Variants in PEF1 observed in about 807,000 individuals in gnomAD.
The protein encoded by PEF1 is peflin.
PEF1 carries 17 observed loss-of-function variants against 32.0 expected under a neutral mutation model. That is an observed-to-expected ratio of 0.53 (90% CI 0.36 to 0.80). The LOEUF is 0.80. Ranked by LOEUF, PEF1 falls within the 30% of genes least tolerant of loss-of-function variation. The probability of loss-of-function intolerance (pLI) is 0.00; values close to 1 mark genes in which losing one functional copy is unlikely to be tolerated. For synonymous variants in PEF1, 130 were observed against 139.8 expected, an observed-to-expected ratio of 0.93 and a Z score of 0.50; for missense variants, 362 against 369.1, an observed-to-expected ratio of 0.98 and a Z score of 0.16.
chr1:31,630,746 T>G lies in PEF1; in HGVS notation c.722A>C (p.Asp241Ala), dbSNP rs1640074474. ...CTGGGTGCACACCTGGATGAAGCGG[T>G]CAAGCTGCATGGCAGGATTGGCAGA... is the stretch of plus-strand genomic sequence containing the variant. ...PRSANPAMQL[D>A]RFIQVCTQLQ... The change falls in exon 5 of 5, where the codon GAC (aspartate) becomes GCC (alanine). Residue 241 changes from aspartate to alanine, a missense_variant. By Grantham distance (126) the Asp-to-Ala change is moderately radical. Coordinates refer to ENST00000373703, the MANE Select transcript of PEF1 (RefSeq NM_012392.4). 1.9e-6 allele frequency: 3 copies of G among 1,613,986 alleles called. No homozygotes were observed. Among genetic ancestry groups the G allele is most frequent in the Non-Finnish European group, 2.5e-6 (3 of 1,180,042 alleles).
At chr1:31,633,084 C>T in intron 3 of PEF1, 75 bp downstream of exon 3, 1 of 1,497,140 alleles carries the variant, frequency 6.7e-7, no homozygotes, top group East Asian at 2.3e-5. Flanking sequence ...TGTCCACCCA[C>T]CCACCTACCC....
At chr1:31,634,118 G>C (rs1640192782) in intron 2 of PEF1, among the ~76,000 whole-genome samples, 1 of 152,190 alleles carries the variant, frequency 6.6e-6, no homozygotes, top group South Asian at 2.1e-4. Context: ...CCAAAGCCCA[G>C]TAAGGACAGA....
At chr1:31,637,537 C>A (rs375245450) in intron 1 of PEF1, among the ~76,000 whole-genome samples, 1 of 150,448 alleles carries the variant, frequency 6.6e-6, no homozygotes, top group African/African-American at 2.4e-5. Flanking sequence ...CCCTGCTACT[C>A]GGGAGGCTAA....
At chr1:31,634,711 T>C (rs1640208962) in intron 2 of PEF1, 3 of 377,258 alleles carry the variant, frequency 8.0e-6, no homozygotes, top group South Asian at 5.8e-5. Context: ...TATAAGAGCA[T>C]TGTACATCCT....
chr1:31,644,693 C>A, intron 1 of PEF1, 148 bp downstream of exon 1: 1 of 1,504,430 alleles, frequency 6.6e-7, no homozygotes, highest in South Asian at 1.2e-5. Context: ...ACCGACGGTC[C>A]CTTTTCGGTT....
chr1:31,630,584 G>C lies in PEF1; in HGVS notation c.*29C>G, dbSNP rs1321046727. ...TCTAAGAAGCCAGGAAAGGTCCCTGGTGCACTCCACTCTCCACAGATGGTT... is the reference window on the plus strand; with the variant it reads ...TCTAAGAAGCCAGGAAAGGTCCCTGCTGCACTCCACTCTCCACAGATGGTT... On this transcript the variant is annotated 3_prime_UTR_variant, in exon 5 of 5. Transcript: ENST00000373703. 1.2e-6 allele frequency: 2 copies of C among 1,600,054 alleles called. No individual in the cohort carries two copies. The highest frequency in any genetic ancestry group is 1.7e-6 in the Non-Finnish European group (2 of 1,169,660).
Position 31,630,808 on chromosome 1 carries a change from C to T in PEF1, c.660G>A (p.Gln220=), listed in dbSNP as rs1029317443. Reference sequence around the variant, plus strand: ...AGCGGGAGACCAGAAGCTGGGTGAACTGGGGGCTCAGGTTGTAGCCCATTT... The same window carrying T: ...AGCGGGAGACCAGAAGCTGGGTGAATTGGGGGCTCAGGTTGTAGCCCATTT... ...LSQMGYNLSP[Q]FTQLLVSRYC... Residue 220 remains glutamine (Q), a synonymous_variant, in exon 5 of 5, where the codon CAG becomes CAA. Transcript: ENST00000373703. 9 of 1,612,478 alleles carry T rather than the reference C, an allele frequency of 5.6e-6. No homozygotes were observed. Among genetic ancestry groups the T allele is most frequent in the Non-Finnish European group, 6.8e-6 (8 of 1,180,002 alleles).
chr1:31,642,676 C>A (rs1457960344), intron 1 of PEF1, among the ~76,000 whole-genome samples: 1 of 152,192 alleles, frequency 6.6e-6, no homozygotes, highest in Non-Finnish European at 1.5e-5. Context: ...ACTCTTCTCT[C>A]TGTGCTCCTT....
intron 1 of PEF1, among the ~76,000 whole-genome samples, chr1:31,641,244 T>A (rs1438991151): frequency 3.9e-5 from 6 of 152,004 alleles, no homozygotes; most frequent in Non-Finnish European, 8.8e-5. Context: ...AAGGCCAAGT[T>A]TTCTCAAATC....
chr1:31,633,309 C>A lies in PEF1; in HGVS notation c.331G>T (p.Ala111Ser), dbSNP rs140595911. The A allele has an allele frequency of 2.1e-5, 34 of 1,610,604 alleles. No individual in the cohort carries two copies. Among genetic ancestry groups the A allele is most frequent in the Non-Finnish European group, 2.9e-5 (34 of 1,178,044 alleles). Residue 111 changes from alanine to serine, a missense_variant, in exon 3 of 5, where the codon GCC becomes TCC. Physicochemically the swap from Ala to Ser is moderately conservative, Grantham distance 99 (BLOSUM62 1). Coordinates refer to ENST00000373703, the MANE Select transcript of PEF1 (RefSeq NM_012392.4). ...GCCTCAGGATCCACATTGGGAGGGG[C>A]GCCACCTGGAGGAAGGGGTGTGAAG... ...QQPGLYGQGGAPPNVDPEAYS... is the reference protein window; with the variant it reads ...QQPGLYGQGGSPPNVDPEAYS...
chr1:31,643,185 A>C (rs1640447851), intron 1 of PEF1, among the ~76,000 whole-genome samples: 2 of 152,370 alleles, frequency 1.3e-5, no homozygotes, highest in African/African-American at 4.8e-5. Flanking sequence ...ATCTGAAAAG[A>C]AAGCCGGGAG....
At position 31,635,476 on chromosome 1, in the gene PEF1, C is replaced by T; in HGVS notation, c.71G>A (p.Ser24Asn). 6.5e-7 allele frequency: 1 copy of T among 1,545,022 alleles called. No individual in the cohort carries two copies. Among genetic ancestry groups the T allele is most frequent in the South Asian group, 1.2e-5 (1 of 81,730 alleles). ...ACTATTGGGGGGTCCAGGGTAGTAG[C>T]TACCCGGAGGGGCTCCTGGTGCTTG... ...AGQAPGAPPGSYYPGPPNSGG... is the reference protein window; with the variant it reads ...AGQAPGAPPGNYYPGPPNSGG... Residue 24 changes from serine (S) to asparagine (N), a missense_variant, in exon 2 of 5, where the codon AGC becomes AAC. By Grantham distance (46) the Ser-to-Asn change is conservative (BLOSUM62 1). Coordinates refer to ENST00000373703, the MANE Select transcript of PEF1 (RefSeq NM_012392.4).
intron 2 of PEF1, 58 bp downstream of exon 2, chr1:31,635,164 G>A: frequency 6.3e-7 from 1 of 1,582,676 alleles, no homozygotes; most frequent in South Asian, 1.2e-5. Flanking sequence ...GACAAAGGCT[G>A]GCCATGGATA....
chr1:31,642,640 AAAC>A (rs996154326), intron 1 of PEF1, among the ~76,000 whole-genome samples: 5 of 152,156 alleles, frequency 3.3e-5, no homozygotes, highest in East Asian at 1.9e-4. Flanking sequence ...TAGGAAAAAA[AAAC>A]AACATTTCTT....
At chr1:31,632,449 G>C in intron 4 of PEF1, 46 bp downstream of exon 4, 3 of 1,614,014 alleles carry the variant, frequency 1.9e-6, no homozygotes, top group Non-Finnish European at 2.5e-6. Context: ...GTAAAGAGAA[G>C]AGTCTAGCTC....
intron 2 of PEF1, 102 bp from the exon 3 acceptor site, chr1:31,633,416 T>G: frequency 4.8e-6 from 6 of 1,252,686 alleles, no homozygotes; most frequent in Non-Finnish European, 4.4e-6. Context: ...GCTTCACAAA[T>G]TCACCTTCCC....
chr1:31,633,327 G>T lies in PEF1; in HGVS notation c.326-13C>A, dbSNP rs781662444. The T allele has an allele frequency of 1.2e-6, 2 of 1,602,816 alleles. No homozygotes were observed. The highest frequency in any genetic ancestry group is 2.2e-5 in the East Asian group (1 of 44,594). ...GGAGGGGCGCCACCTGGAGGAAGGG[G>T]TGTGAAGGCCATCAACAGAAATGCC... On this transcript the variant is annotated splice_polypyrimidine_tract_variant and intron_variant, in intron 2 of 4. Transcript: ENST00000373703.
intron 4 of PEF1, 107 bp from the exon 5 acceptor site, chr1:31,630,949 G>T: frequency 1.1e-6 from 1 of 893,680 alleles, no homozygotes; most frequent in East Asian, 2.6e-5. Flanking sequence ...GAGAGGATGG[G>T]CACAGAAGCA....
chr1:31,631,736 G>A (rs1209936090), intron 4 of PEF1, among the ~76,000 whole-genome samples: 3 of 152,264 alleles, frequency 2.0e-5, no homozygotes, highest in Non-Finnish European at 2.9e-5. Flanking sequence ...TAATATCCAC[G>A]ACAAAAGCTG....
Sources: allele counts gnomAD v4.1 joint callset (sites outside exome capture counted in the v4.1 genomes callset), GRCh38; gene constraint gnomAD v4.1.1; transcripts MANE v1.5; gene names NCBI Gene and HGNC (gene_info 2026-07-23, HGNC 2026-07-21).